GMDS: variants seen among roughly 807,000 people sequenced by gnomAD.
GMDS encodes the protein GDP-mannose 4,6-dehydratase, also known as GDP-mannose 4,6 dehydratase.
Under a neutral mutation model 49.9 loss-of-function variants are expected in GMDS, and 20 were observed. That is an observed-to-expected ratio of 0.40 (90% CI 0.28 to 0.58). The LOEUF is 0.58. Among genes scored for constraint, GMDS ranks in the 20% least tolerant of loss-of-function variants. The pLI is 0.42. For synonymous variants in GMDS, 177 were observed against 178.6 expected (o/e 0.99, Z 0.07); for missense variants, 362 against 481.4 (o/e 0.75, Z 2.32).
Position 1,841,428 on chromosome 6 carries a change from G to T in GMDS, c.771+88675C>A, listed in dbSNP as rs1411835147. On this transcript the variant is annotated intron_variant, in intron 7 of 10. Coordinates refer to ENST00000380815, the MANE Select transcript of GMDS (RefSeq NM_001500.4). ...CTCACTGCAAAGTGAAACTTCTATC[G>T]AACCTAACAAACTCACAAGCTGATA... Among the ~76,000 whole-genome samples, 14 of 152,262 alleles carry T rather than the reference G, an allele frequency of 9.2e-5. No individual in the cohort carries two copies. In the South Asian group the frequency reaches 2.5e-3, roughly 27 times the overall value.
chr6:2,109,382 G>A (rs747924357), intron 4 of GMDS, among the ~76,000 whole-genome samples: 71 of 152,192 alleles, frequency 4.7e-4, no homozygotes, highest in Non-Finnish European at 2.1e-4. Flanking sequence ...TTAAGGGAAT[G>A]AGACAAGTAG....
At chr6:1,624,584 G>T in intron 9 of GMDS, 44 bp from the exon 10 acceptor site, 1 of 1,401,912 alleles carries the variant, frequency 7.1e-7, no homozygotes, top group Non-Finnish European at 1.0e-6. Context: ...GGGTCGTGGG[G>T]GTGGGGGCAG....
At chr6:1,782,020 A>G (rs77688409) in intron 7 of GMDS, among the ~76,000 whole-genome samples, 1,605 of 152,306 alleles carry the variant, frequency 0.011, 32 homozygotes, top group African/African-American at 0.037. Context: ...TGCTTGGATC[A>G]AAAGGATCTG....
chr6:2,214,660 A>T (rs1453572850), intron 1 of GMDS, among the ~76,000 whole-genome samples: 1 of 152,010 alleles, frequency 6.6e-6, no homozygotes, highest in Non-Finnish European at 1.5e-5. Context: ...TACACTTATG[A>T]GCTTCTTTTT....
chr6:1,974,640 T>A (rs17134549), intron 4 of GMDS, among the ~76,000 whole-genome samples: 20,974 of 152,000 alleles, frequency 0.14, 1,571 homozygotes, highest in East Asian at 0.21. Context: ...TGTCGACAAA[T>A]TGCTAAGAAT....
chr6:2,164,122 T>C (rs1420165191), intron 1 of GMDS, among the ~76,000 whole-genome samples: 1 of 152,230 alleles, frequency 6.6e-6, no homozygotes, highest in East Asian at 1.9e-4. Flanking sequence ...AACGTACTAT[T>C]AGAGCACTTT....
At chr6:1,810,788 C>T (rs1770388610) in intron 7 of GMDS, among the ~76,000 whole-genome samples, 1 of 152,156 alleles carries the variant, frequency 6.6e-6, no homozygotes, top group Non-Finnish European at 1.5e-5. Context: ...GCATTTAGAA[C>T]GATTATTCCT....
At chr6:2,057,756 G>C (rs572132787) in intron 4 of GMDS, among the ~76,000 whole-genome samples, 1 of 152,060 alleles carries the variant, frequency 6.6e-6, no homozygotes, top group Non-Finnish European at 1.5e-5. Flanking sequence ...GATCAATATC[G>C]GACTATAGCC....
chr6:2,168,904 T>G (rs1323712493), intron 1 of GMDS, among the ~76,000 whole-genome samples: 1 of 152,254 alleles, frequency 6.6e-6, no homozygotes. Context: ...AAAACTCCAC[T>G]GGTATTTAAA....
At chr6:1,686,344 C>G (rs1190658786) in intron 9 of GMDS, among the ~76,000 whole-genome samples, 1 of 152,196 alleles carries the variant, frequency 6.6e-6, no homozygotes, top group Non-Finnish European at 1.5e-5. Flanking sequence ...GGAAACCACA[C>G]CCAGAAGCAA....
chr6:1,866,774 C>T (rs1418271711), intron 7 of GMDS, among the ~76,000 whole-genome samples: 1 of 152,200 alleles, frequency 6.6e-6, no homozygotes. Context: ...GCTGCTGAAC[C>T]TTGGGAGTAC....
intron 2 of GMDS, among the ~76,000 whole-genome samples, chr6:2,123,749 C>T (rs149441050): frequency 6.6e-6 from 1 of 152,178 alleles, no homozygotes; most frequent in Admixed American, 6.5e-5. Flanking sequence ...CATATAATTA[C>T]AAAATGTAGC....
At chr6:1,957,926 C>T (rs1763729953) in intron 6 of GMDS, among the ~76,000 whole-genome samples, 1 of 151,944 alleles carries the variant, frequency 6.6e-6, no homozygotes, top group African/African-American at 2.4e-5. Context: ...ACTCAGCTTC[C>T]CGAGTAGCTA....
intron 9 of GMDS, among the ~76,000 whole-genome samples, chr6:1,657,853 C>CAAA (rs757277370): frequency 0.018 from 1,114 of 62,668 alleles, 21 homozygotes; most frequent in East Asian, 0.026. Flanking sequence ...AGAACTCAAG[C>CAAA]AAAAAAAAAA....
At chr6:2,177,628 C>T (rs6921705) in intron 1 of GMDS, among the ~76,000 whole-genome samples, 16,674 of 152,028 alleles carry the variant, frequency 0.11, 3,025 homozygotes, top group African/African-American at 0.38. Flanking sequence ...AAAAAGTTTT[C>T]GATAAAATCC....
At chr6:1,774,910 C>A (rs182198690) in intron 7 of GMDS, among the ~76,000 whole-genome samples, 2 of 152,276 alleles carry the variant, frequency 1.3e-5, no homozygotes, top group East Asian at 3.9e-4. Context: ...CAAGGCCAGG[C>A]TGACTAGCGA....
intron 4 of GMDS, among the ~76,000 whole-genome samples, chr6:2,041,992 C>T (rs1006915260): frequency 1.3e-5 from 2 of 152,150 alleles, no homozygotes; most frequent in Admixed American, 6.5e-5. Flanking sequence ...CCAAGGAAAT[C>T]GCTTTAATGG....
At chr6:1,655,919 T>C (rs986437847) in intron 9 of GMDS, among the ~76,000 whole-genome samples, 4 of 152,208 alleles carry the variant, frequency 2.6e-5, no homozygotes, top group African/African-American at 9.6e-5. Flanking sequence ...TATGTGTTAA[T>C]GATAATGTCC....
chr6:2,069,072 T>C (rs1290406911), intron 4 of GMDS, among the ~76,000 whole-genome samples: 1 of 152,120 alleles, frequency 6.6e-6, no homozygotes, highest in Non-Finnish European at 1.5e-5. Flanking sequence ...AACAGAGATA[T>C]AGATCAATGG....
Sources: allele counts gnomAD v4.1 joint callset (sites outside exome capture counted in the v4.1 genomes callset), GRCh38; gene constraint gnomAD v4.1.1; transcripts MANE v1.5; gene names NCBI Gene and HGNC (gene_info 2026-07-23, HGNC 2026-07-21).